The following SPEG variants were observed in gnomAD, a reference collection of about 807,000 sequenced individuals.
The protein encoded by SPEG is striated muscle preferentially expressed protein kinase.
In SPEG, 114 loss-of-function variants were observed where a neutral mutation model predicts 300.4. The observed-to-expected ratio is 0.38, with a 90% confidence interval of 0.33 to 0.44. The LOEUF (loss-of-function observed/expected upper bound fraction) is 0.44, where lower values mean the gene tolerates loss of function less well. Among genes scored for constraint, SPEG ranks in the 20% least tolerant of loss-of-function variants. The pLI, the probability that SPEG is intolerant of heterozygous loss-of-function variation, is 1.00. For synonymous variants in SPEG, 1,964 were observed against 2,018.9 expected, an observed-to-expected ratio of 0.97 and a Z score of 0.73; for missense variants, 4,201 against 4,586.2, an observed-to-expected ratio of 0.92 and a Z score of 2.43.
rs1438612581 is a variant in SPEG at position 219,448,586 on chromosome 2, G to T, written c.1428G>T (p.Ser476=). Residue 476 remains serine (S), a synonymous_variant, in exon 4 of 41, where the codon TCG becomes TCT. Transcript: ENST00000312358. ...GCCTGTTCCAGCAGAAAGCGGCCTC[G>T]CTGGACGAGCGCACGCGTCAGCGCA... The part of the protein sequence containing the change: ...RRRLFQQKAA[S]LDERTRQRSP... The T allele has an allele frequency of 3.4e-6, 5 of 1,456,260 alleles. No individual in the cohort carries two copies. Among genetic ancestry groups the T allele is most frequent in the Non-Finnish European group, 4.5e-6 (5 of 1,111,332 alleles). 90.2% of individuals were successfully genotyped at this position (1,456,260 alleles called of 1,614,324 possible).
chr2:219,449,147 G>T lies in SPEG; in HGVS notation c.1989G>T (p.Gly663=). The T allele has an allele frequency of 2.1e-6, 3 of 1,432,036 alleles. No individual in the cohort carries two copies. Among genetic ancestry groups the T allele is most frequent in the Non-Finnish European group, 2.7e-6 (3 of 1,092,848 alleles). The allele number at this position is 1,432,036 out of a possible 1,614,324, so 88.7% of individuals were successfully genotyped here. A position where few individuals can be genotyped will look rare whatever the true frequency, so the allele number is the denominator to read the frequency against. Residue 663 remains glycine, a synonymous_variant, in exon 4 of 41, where the codon GGG becomes GGT. Transcript: ENST00000312358. ...AGACCTTGGAGAAGAACAGGGCGGG[G>T]CCTGAGGCAGAGAAGAGGCTTCGCA... is the stretch of plus-strand genomic sequence containing the variant. ...VPQTLEKNRA[G]PEAEKRLRRG... is the part of the protein sequence containing the mutation.
intron 7 of SPEG, 54 bp downstream of exon 7, chr2:219,462,111 T>C: frequency 7.0e-7 from 1 of 1,418,546 alleles, no homozygotes; most frequent in Non-Finnish European, 9.6e-7. Flanking sequence ...TTCCTTTGGG[T>C]GCCCCCTTGT....
chr2:219,464,340 G>A lies in SPEG; in HGVS notation c.2706-93G>A, dbSNP rs1183811379. 7.5e-7 allele frequency: 1 copy of A among 1,335,956 alleles called. No individual in the cohort carries two copies. Among genetic ancestry groups the A allele is most frequent in the African/African-American group, 1.5e-5 (1 of 68,822 alleles). The allele number at this position is 1,335,956 out of a possible 1,614,324, so 82.8% of individuals were successfully genotyped here. ...CTGGGGACTGGGCAAACTGCACAGG[G>A]AAGGAGAGGCCTGCACAGTGCTGCA... On this transcript the variant is annotated intron_variant, in intron 8 of 40. Coordinates refer to ENST00000312358, the MANE Select transcript of SPEG (RefSeq NM_005876.5). The surrounding 1 kb of genome is among the most constrained non-coding windows in gnomAD (Gnocchi z 4.5).
At position 219,451,489 on chromosome 2, in the gene SPEG, A is replaced by G. The variant is rs530445099; in HGVS notation, c.2258-136A>G. 69 of 1,130,362 alleles carry G rather than the reference A, an allele frequency of 6.1e-5. No homozygotes were observed. In the African/African-American group the frequency reaches 1.1e-3, roughly 17 times the overall value. The allele number at this position is 1,130,362 out of a possible 1,614,324, so 70.0% of individuals were successfully genotyped here. On this transcript the variant is annotated intron_variant, in intron 5 of 40. Coordinates refer to ENST00000312358, the MANE Select transcript of SPEG (RefSeq NM_005876.5). The surrounding 1 kb of genome is among the most constrained non-coding windows in gnomAD (Gnocchi z 6.4). ...AGGGCAACCTGAGCTTCCCAAAATG[A>G]GGGCGGACTCTTCCAGATTCCCTGG...
At chr2:219,452,899 C>G (rs1011610042) in intron 6 of SPEG, among the ~76,000 whole-genome samples, 1 of 152,208 alleles carries the variant, frequency 6.6e-6, no homozygotes, top group African/African-American at 2.4e-5. Flanking sequence ...TGATCATAGT[C>G]TCGTGCTCCA....
In SPEG at chr2:219,451,121, T is replaced by C. The variant is rs747828625; in HGVS notation, c.2114-15T>C. ...GGATCATGGCCCCTTACCCCGTTAT[T>C]CCTGTGTCCGGCAGAGTCTTCGGAT... On this transcript the variant is annotated splice_polypyrimidine_tract_variant and intron_variant, in intron 4 of 40. Coordinates refer to ENST00000312358, the MANE Select transcript of SPEG (RefSeq NM_005876.5). This position sits in a 1 kb window ranked among gnomAD's most constrained non-coding sequence, Gnocchi z 6.4. 6.2e-7 allele frequency: 1 copy of C among 1,602,932 alleles called. No individual in the cohort carries two copies. Among genetic ancestry groups the C allele is most frequent in the Admixed American group, 1.7e-5 (1 of 58,070 alleles).
chr2:219,475,027 C>T (rs1324059842), intron 18 of SPEG, among the ~76,000 whole-genome samples: 2 of 152,002 alleles, frequency 1.3e-5, no homozygotes, highest in African/African-American at 2.4e-5. Context: ...TCAAGTAATC[C>T]GTCCACCTCG....
intron 6 of SPEG, chr2:219,460,745 G>GCTGC: frequency 1.0e-6 from 1 of 984,776 alleles, no homozygotes. Flanking sequence ...TTCCTAGCCA[G>GCTGC]CTGCCTGCCG....
In SPEG at chr2:219,484,305, G is replaced by T; in HGVS notation, c.6842G>T (p.Arg2281Met). 6.2e-7 allele frequency: 1 copy of T among 1,605,724 alleles called. No individual in the cohort carries two copies. The part of the protein sequence containing the change: ...EPKPHAAVFA[R>M]VASPPPGAPE... ...AAGCCCCACGCTGCTGTCTTTGCCA[G>T]GGTGGCCTCCCCACCTCCGGGAGCC... Residue 2281 changes from arginine (R) to methionine (M), a missense_variant, in exon 30 of 41, where the codon AGG (arginine) becomes ATG (methionine). Arg to Met is a moderately conservative substitution (Grantham distance 91). Coordinates refer to ENST00000312358, the MANE Select transcript of SPEG (RefSeq NM_005876.5).
At position 219,483,112 on chromosome 2, in the gene SPEG, C is replaced by T. The variant is rs1347344568; in HGVS notation, c.5649C>T (p.Ser1883=). The T allele has an allele frequency of 6.2e-7, 1 of 1,607,418 alleles. No individual in the cohort carries two copies. Among genetic ancestry groups the T allele is most frequent in the Non-Finnish European group, 8.5e-7 (1 of 1,179,222 alleles). The change falls in exon 30 of 41, where the codon AGC becomes AGT. Residue 1883 remains serine (S), a synonymous_variant. Coordinates refer to ENST00000312358, the MANE Select transcript of SPEG (RefSeq NM_005876.5). Reference sequence around the variant, plus strand: ...CCTGTCTCCAGCGCTCCCAGATCAGCTACAAATGCCACCTGGTGCTGCGCC... The same window carrying T: ...CCTGTCTCCAGCGCTCCCAGATCAGTTACAAATGCCACCTGGTGCTGCGCC... ...SRRRWQRSQI[S]YKCHLVLRPI...
At chr2:219,442,217 G>A (rs1231027680) in intron 1 of SPEG, 1 of 521,690 alleles carries the variant, frequency 1.9e-6, no homozygotes. Flanking sequence ...GAGCCCCGCC[G>A]AGGGCGGCGG....
Position 219,464,114 on chromosome 2 carries a change from C to A in SPEG, c.2706-319C>A, listed in dbSNP as rs1291511403. Among the ~76,000 whole-genome samples, 1 of 148,312 alleles carries A rather than the reference C, an allele frequency of 6.7e-6. No individual in the cohort carries two copies. Among genetic ancestry groups the A allele is most frequent in the Non-Finnish European group, 1.5e-5 (1 of 67,456 alleles). ...CTCCAGCCTGGGTGACAGAGGGAAA[C>A]CCTGTTTAAAAAAAAAAAAAAAAGA... On this transcript the variant is annotated intron_variant, in intron 8 of 40. Coordinates refer to ENST00000312358, the MANE Select transcript of SPEG (RefSeq NM_005876.5). This position sits in a 1 kb window ranked among gnomAD's most constrained non-coding sequence, Gnocchi z 4.5.
In SPEG at chr2:219,464,363, G is replaced by A. The variant is rs1314081166; in HGVS notation, c.2706-70G>A. The A allele has an allele frequency of 1.3e-6, 2 of 1,485,974 alleles. No individual in the cohort carries two copies. The highest frequency in any genetic ancestry group is 1.8e-5 in the Admixed American group (1 of 55,954). 92.0% of individuals were successfully genotyped at this position (1,485,974 alleles called of 1,614,324 possible). On this transcript the variant is annotated intron_variant, in intron 8 of 40. Transcript: ENST00000312358. The surrounding 1 kb of genome is among the most constrained non-coding windows in gnomAD (Gnocchi z 4.5). ...GGGAAGGAGAGGCCTGCACAGTGCT[G>A]CAGCCCCAGTTCCTGTGCACGCACA...
chr2:219,483,209 G>T lies in SPEG; in HGVS notation c.5746G>T (p.Gly1916Trp), dbSNP rs746732641. The change falls in exon 30 of 41, where the codon GGG becomes TGG. Residue 1916 changes from glycine (G) to tryptophan (W), a missense_variant. By Grantham distance (184) the Gly-to-Trp change is radical. Coordinates refer to ENST00000312358, the MANE Select transcript of SPEG (RefSeq NM_005876.5). ...VTMPRRPPPS[G>W]GLSSSSDSEE... ...CATGCCCAGAAGGCCACCCCCCAGT[G>T]GGGGGCTCTCATCCTCCTCGGATTC... The T allele has an allele frequency of 3.1e-6, 5 of 1,609,898 alleles. No individual in the cohort carries two copies. Among genetic ancestry groups the T allele is most frequent in the Non-Finnish European group, 1.7e-6 (2 of 1,178,862 alleles).
chr2:219,460,832 G>A, intron 6 of SPEG: 1 of 986,118 alleles, frequency 1.0e-6, no homozygotes, highest in Non-Finnish European at 1.2e-6. Context: ...CAGGGCCTCA[G>A]CTGGGTCAGC....
At position 219,489,929 on chromosome 2, in the gene SPEG, G is replaced by A; in HGVS notation, c.8911G>A (p.Glu2971Lys). 3 of 1,567,318 alleles carry A rather than the reference G, an allele frequency of 1.9e-6. No homozygotes were observed. The highest frequency in any genetic ancestry group is 2.6e-6 in the Non-Finnish European group (3 of 1,151,994). The change falls in exon 36 of 41, where the codon GAG becomes AAG. Residue 2971 changes from glutamate (E) to lysine (K), a missense_variant. This residue lies in a region of SPEG where 318 missense variants were observed against 429.5 expected (regional missense o/e 0.74). Coordinates refer to ENST00000312358, the MANE Select transcript of SPEG (RefSeq NM_005876.5). Reference sequence around the variant, plus strand: ...TCAGAAACCCTACACCTTCCTGGAGGAGAAAGCCAGGCAAGCAGGGCTGGG... The same window carrying A: ...TCAGAAACCCTACACCTTCCTGGAGAAGAAAGCCAGGCAAGCAGGGCTGGG... ...PPQKPYTFLE[E>K]KARGRFGVVR...
At chr2:219,470,701 C>T (rs559826928) in intron 13 of SPEG, among the ~76,000 whole-genome samples, 2 of 152,316 alleles carry the variant, frequency 1.3e-5, no homozygotes, top group Non-Finnish European at 2.9e-5. Flanking sequence ...CAGAGACAGC[C>T]TCCTTATCAT....
rs770996931 is a variant in SPEG at position 219,492,236 on chromosome 2, G to A, written c.9587G>A (p.Arg3196Gln). The A allele has an allele frequency of 2.7e-5, 43 of 1,613,394 alleles. 1 individual carries two copies. The highest frequency in any genetic ancestry group is 8.8e-5 in the South Asian group (8 of 91,064). The change falls in exon 40 of 41, where the codon CGA becomes CAA. Residue 3196 changes from arginine to glutamine, a missense_variant. Transcript: ENST00000312358. The stretch of plus-strand genomic sequence containing the variant: ...TCCCAGAGCGCCACCCTCTTCTTGC[G>A]AAAGGTTCTCTCTGTACATCCCTGG... ...NTSQSATLFLRKVLSVHPWSR... is the reference protein window; with the variant it reads ...NTSQSATLFLQKVLSVHPWSR...
chr2:219,482,955 T>G, intron 29 of SPEG, 103 bp downstream of exon 29: 1 of 1,411,836 alleles, frequency 7.1e-7, no homozygotes, highest in East Asian at 2.4e-5. Context: ...GTCTTCTCGC[T>G]TTCACTGGCT....
Sources: allele counts gnomAD v4.1 joint callset (sites outside exome capture counted in the v4.1 genomes callset), GRCh38; gene constraint gnomAD v4.1.1; regional missense constraint gnomAD v4.1.1; non-coding constraint Gnocchi (gnomAD v3.1); transcripts MANE v1.5; gene names NCBI Gene and HGNC (gene_info 2026-07-23, HGNC 2026-07-21).